Variants in TENM1 observed in about 807,000 individuals in gnomAD.
The protein encoded by TENM1 is teneurin transmembrane protein 1.
TENM1 carries 35 observed loss-of-function variants against 174.8 expected under a neutral mutation model. The ratio of observed to expected loss-of-function variants is 0.20; its 90% CI spans 0.15 to 0.27. The LOEUF (loss-of-function observed/expected upper bound fraction) is 0.27, where lower values mean the gene tolerates loss of function less well. Ranked by LOEUF, TENM1 falls within the 10% of genes least tolerant of loss-of-function variation. TENM1 has a pLI of 1.00. For missense variants in TENM1, 1,633 were observed against 2,130.1 expected (o/e 0.77, Z 4.59); for synonymous variants, 781 against 798.7 (o/e 0.98, Z 0.37).
At chrX:125,178,684 G>T in the TENM1 span, among the ~76,000 whole-genome samples, 2 of 111,709 alleles carry the variant, frequency 1.8e-5, no homozygotes, top group African/African-American at 6.5e-5. Context: ...GGTCACACGG[G>T]TGTTCAAGGG....
At chrX:124,509,164 AGT>A (rs2047523093) in intron 18 of TENM1, among the ~76,000 whole-genome samples, 1 of 111,489 alleles carries the variant, frequency 9.0e-6, no homozygotes, top group African/African-American at 3.3e-5. Flanking sequence ...ATTATGAGAG[AGT>A]GTAACCAGGA....
intron 1 of TENM1, among the ~76,000 whole-genome samples, chrX:124,896,837 C>T (rs747430208): frequency 2.7e-5 from 3 of 111,601 alleles, no homozygotes; most frequent in Non-Finnish European, 5.7e-5. Flanking sequence ...TGACTTTATG[C>T]TAATTATTCT....
the TENM1 span, among the ~76,000 whole-genome samples, chrX:125,144,450 T>C: frequency 2.7e-5 from 3 of 111,587 alleles, no homozygotes; most frequent in East Asian, 8.5e-4. Context: ...TAGGCAGTGA[T>C]GAGGGAGTAT....
the TENM1 span, among the ~76,000 whole-genome samples, chrX:125,093,888 C>T: frequency 1.4e-4 from 16 of 112,362 alleles, no homozygotes; most frequent in African/African-American, 4.8e-4. Context: ...CTTGTCCCTT[C>T]ATATACAGTT....
the TENM1 span, among the ~76,000 whole-genome samples, chrX:125,128,042 T>C: frequency 9.0e-6 from 1 of 111,437 alleles, no homozygotes; most frequent in Non-Finnish European, 1.9e-5. Flanking sequence ...TTAACAAGTA[T>C]ACATGATTGC....
intron 5 of TENM1, among the ~76,000 whole-genome samples, chrX:124,701,798 A>C (rs968189185): frequency 8.9e-6 from 1 of 111,781 alleles, no homozygotes; most frequent in African/African-American, 3.2e-5. Flanking sequence ...TGGAGATAGG[A>C]CTGGTTGGCT....
intron 3 of TENM1, among the ~76,000 whole-genome samples, chrX:124,805,444 T>C (rs1276582273): frequency 8.9e-6 from 1 of 112,476 alleles, no homozygotes; most frequent in Non-Finnish European, 1.9e-5. Flanking sequence ...TGTGGTAAAA[T>C]GGGCATACTA....
chrX:124,382,745 A>G (rs780864644), exon 31 of TENM1: 8 of 1,206,907 alleles, frequency 6.6e-6, no homozygotes, highest in East Asian at 3.0e-5. Context: ...TTTCTAATTC[A>G]GGTTTGGGAA....
At chrX:124,510,084 C>T (rs1027662890) in intron 18 of TENM1, among the ~76,000 whole-genome samples, 3 of 112,356 alleles carry the variant, frequency 2.7e-5, no homozygotes, top group Non-Finnish European at 5.6e-5. Flanking sequence ...ATATGCCTTA[C>T]ATTTGTATAA....
intron 3 of TENM1, among the ~76,000 whole-genome samples, chrX:124,765,053 A>G (rs1301110077): frequency 9.0e-6 from 1 of 111,593 alleles, no homozygotes; most frequent in Non-Finnish European, 1.9e-5. Context: ...ATCTCTTCTG[A>G]CCACCTATAG....
exon 17 of TENM1, chrX:124,523,508 T>C: frequency 8.3e-7 from 1 of 1,211,419 alleles, no homozygotes; most frequent in Non-Finnish European, 1.1e-6. Flanking sequence ...GCATGGTGAC[T>C]TTCTCTACCA....
intron 3 of TENM1, among the ~76,000 whole-genome samples, chrX:124,789,307 G>A (rs1017066579): frequency 9.0e-6 from 1 of 110,841 alleles, no homozygotes; most frequent in African/African-American, 3.3e-5. Flanking sequence ...GGGAGGGGCT[G>A]CTGTGAAGAC....
chrX:124,744,044 G>A (rs1412330456), intron 3 of TENM1, among the ~76,000 whole-genome samples: 1 of 111,691 alleles, frequency 9.0e-6, no homozygotes, highest in East Asian at 2.8e-4. Context: ...CAACTGTGCT[G>A]TACACTGTAT....
At position 124,844,087 on chromosome X, in the gene TENM1, A is replaced by T. The variant is rs545547574; in HGVS notation, c.535+50209T>A. 8.1e-5 allele frequency among the ~76,000 whole-genome samples: 9 copies of T among 110,901 alleles called. No individual in the cohort carries two copies. The South Asian group carries it at 3.4e-3, about 42-fold the overall frequency. ...ACCCTCCTCTCTAGATGCACACTTT[A>T]TGTAAGAGACTCATCTTTTTCTACT... On this transcript the variant is annotated intron_variant, in intron 3 of 31. Transcript: ENST00000422452.
chrX:124,826,423 A>T (rs2056162972), intron 3 of TENM1, among the ~76,000 whole-genome samples: 1 of 109,850 alleles, frequency 9.1e-6, no homozygotes, highest in Non-Finnish European at 1.9e-5. Flanking sequence ...AAAAAAAAAA[A>T]TTATTTAGAG....
the TENM1 span, among the ~76,000 whole-genome samples, chrX:125,015,684 A>G: frequency 1.8e-5 from 2 of 111,442 alleles, no homozygotes; most frequent in African/African-American, 6.5e-5. Flanking sequence ...TACTCAACCC[A>G]AGTCATTGGA....
At chrX:124,535,209 A>T (rs1189021453) in intron 15 of TENM1, among the ~76,000 whole-genome samples, 2 of 111,751 alleles carry the variant, frequency 1.8e-5, no homozygotes, top group African/African-American at 6.5e-5. Flanking sequence ...GTTGGATCAT[A>T]GAATTTACAT....
chrX:124,831,774 TGAGTA>T (rs1415332029), intron 3 of TENM1, among the ~76,000 whole-genome samples: 4 of 111,267 alleles, frequency 3.6e-5, no homozygotes, highest in Non-Finnish European at 7.5e-5. Context: ...TGAAGTCAAC[TGAGTA>T]TAGTGTGGAC....
At chrX:124,906,219 T>C (rs1489718307) in intron 1 of TENM1, among the ~76,000 whole-genome samples, 1 of 112,128 alleles carries the variant, frequency 8.9e-6, no homozygotes, top group Non-Finnish European at 1.9e-5. Flanking sequence ...GACTATCTCA[T>C]GTAATTTATA....
Sources: gnomAD v4.1 joint callset for allele counts (sites outside exome capture counted in the v4.1 genomes callset) on GRCh38, gnomAD v4.1.1 for gene constraint, MANE v1.5 for transcripts, NCBI Gene and HGNC (gene_info 2026-07-23, HGNC 2026-07-21) for gene names.